DCC: variants seen among roughly 807,000 people sequenced by gnomAD.
DCC encodes DCC netrin 1 receptor, also known as netrin receptor DCC.
A neutral mutation model predicts 172.5 loss-of-function variants in DCC; 58 were observed. The ratio of observed to expected loss-of-function variants is 0.34; its 90% CI spans 0.27 to 0.42. The LOEUF (loss-of-function observed/expected upper bound fraction) is 0.42, where lower values mean the gene tolerates loss of function less well. Ranked by LOEUF, DCC falls within the 10% of genes least tolerant of loss-of-function variation. DCC has a pLI of 1.00. For missense variants in DCC, 1,740 were observed against 1,791.0 expected (o/e 0.97, Z 0.51); for synonymous variants, 709 against 644.5 (o/e 1.10, Z -1.52).
At chr18:52,370,045 C>T (rs1252793769) in intron 1 of DCC, among the ~76,000 whole-genome samples, 2 of 152,104 alleles carry the variant, frequency 1.3e-5, no homozygotes, top group Non-Finnish European at 2.9e-5. Context: ...TTTACACTCC[C>T]ACTAACAGTG....
intron 19 of DCC, among the ~76,000 whole-genome samples, chr18:53,408,409 G>T (rs1279298001): frequency 6.6e-6 from 1 of 152,114 alleles, no homozygotes; most frequent in Non-Finnish European, 1.5e-5. Flanking sequence ...ATGGCTGTTG[G>T]CCAGAAACCA....
chr18:52,450,269 G>T (rs933111644), intron 1 of DCC, among the ~76,000 whole-genome samples: 3 of 152,196 alleles, frequency 2.0e-5, no homozygotes, highest in Admixed American at 2.0e-4. Context: ...AATGGAAGAG[G>T]CTGAAAAGTT....
At chr18:53,407,606 A>G (rs1483336896) in intron 19 of DCC, among the ~76,000 whole-genome samples, 2 of 147,512 alleles carry the variant, frequency 1.4e-5, no homozygotes, top group Non-Finnish European at 3.0e-5. Flanking sequence ...TTACATAGAT[A>G]AAAACATAGT....
At chr18:52,793,803 G>T (rs1227348600) in intron 2 of DCC, among the ~76,000 whole-genome samples, 1 of 152,120 alleles carries the variant, frequency 6.6e-6, no homozygotes, top group Admixed American at 6.5e-5. Context: ...ATTTTGAGTT[G>T]ATTTTTGTAT....
intron 1 of DCC, among the ~76,000 whole-genome samples, chr18:52,676,834 C>G (rs1228047412): frequency 6.6e-6 from 1 of 152,134 alleles, no homozygotes; most frequent in Non-Finnish European, 1.5e-5. Context: ...GCTTTACTTA[C>G]CCAATGATCT....
In DCC at chr18:53,459,429, A is replaced by G. The variant is rs775999760; in HGVS notation, c.3590A>G (p.Gln1197Arg). ...TPVSHSQSETQLGSKSTSHSG... is the reference protein window; with the variant it reads ...TPVSHSQSETRLGSKSTSHSG... ...GTCAGCCACAGCCAGTCAGAAACCC[A>G]ACTGGGAAGCAAAAGCACCTCTCAT... The change falls in exon 24 of 29, where the codon CAA becomes CGA. Residue 1197 changes from glutamine to arginine, a missense_variant. Gln to Arg is a conservative substitution (Grantham distance 43). This residue lies in a region of DCC where 1,732 missense variants were observed against 1,767.4 expected (regional missense o/e 0.98). Coordinates refer to ENST00000442544, the MANE Select transcript of DCC (RefSeq NM_005215.4). 12 of 1,613,042 alleles carry G rather than the reference A, an allele frequency of 7.4e-6. No individual in the cohort carries two copies.
At chr18:53,162,219 A>G (rs1380798925) in intron 8 of DCC, among the ~76,000 whole-genome samples, 1 of 151,426 alleles carries the variant, frequency 6.6e-6, no homozygotes, top group Non-Finnish European at 1.5e-5. Flanking sequence ...GAATTGCGTG[A>G]ACCTGGGAGG....
chr18:53,144,205 T>G (rs1301464365), intron 7 of DCC, among the ~76,000 whole-genome samples: 1 of 152,228 alleles, frequency 6.6e-6, no homozygotes, highest in Non-Finnish European at 1.5e-5. Context: ...ATCTCCCTAT[T>G]ATGTTTCCTC....
At chr18:53,018,723 T>C (rs1395851788) in intron 5 of DCC, among the ~76,000 whole-genome samples, 10 of 152,116 alleles carry the variant, frequency 6.6e-5, no homozygotes, top group Admixed American at 5.2e-4. Flanking sequence ...AACAAATGAA[T>C]GCTATAACAT....
intron 2 of DCC, among the ~76,000 whole-genome samples, chr18:52,850,284 G>A (rs925729404): frequency 1.3e-5 from 2 of 152,126 alleles, no homozygotes; most frequent in Non-Finnish European, 2.9e-5. Context: ...GAAGCACATC[G>A]TTTGTGTATA....
At chr18:52,823,826 G>A (rs117971751) in intron 2 of DCC, among the ~76,000 whole-genome samples, 6,002 of 152,204 alleles carry the variant, frequency 0.039, 174 homozygotes, top group Admixed American at 0.059. Context: ...ATAATGGGGT[G>A]CCTGAGTGAG....
At chr18:52,924,456 A>G (rs1202040174) in intron 4 of DCC, among the ~76,000 whole-genome samples, 2 of 152,098 alleles carry the variant, frequency 1.3e-5, no homozygotes, top group Non-Finnish European at 2.9e-5. Context: ...ATTCCCAGCT[A>G]TAACAAATAT....
intron 2 of DCC, among the ~76,000 whole-genome samples, chr18:52,874,130 C>T (rs1019041981): frequency 1.5e-4 from 23 of 152,136 alleles, no homozygotes; most frequent in Non-Finnish European, 2.9e-4. Context: ...GGGATTAAAA[C>T]ACTTACCCTA....
intron 5 of DCC, among the ~76,000 whole-genome samples, chr18:53,047,262 A>T (rs1352195705): frequency 2.0e-3 from 26 of 13,234 alleles, no homozygotes; most frequent in African/African-American, 8.8e-3. Flanking sequence ...ATATATATAT[A>T]TATATATATA....
intron 5 of DCC, among the ~76,000 whole-genome samples, chr18:53,002,140 G>C (rs568585437): frequency 1.3e-5 from 2 of 152,132 alleles, no homozygotes; most frequent in Non-Finnish European, 2.9e-5. Flanking sequence ...TAGTTTCCCA[G>C]CTTATGCACG....
chr18:53,348,891 G>A (rs1226732942), intron 15 of DCC, among the ~76,000 whole-genome samples: 1 of 152,160 alleles, frequency 6.6e-6, no homozygotes, highest in Non-Finnish European at 1.5e-5. Flanking sequence ...AGGCATCCAG[G>A]CCTGTCATGG....
chr18:52,766,666 T>A (rs2037257380), intron 2 of DCC, among the ~76,000 whole-genome samples: 1 of 152,012 alleles, frequency 6.6e-6, no homozygotes, highest in South Asian at 2.1e-4. Flanking sequence ...GCCACTTCTC[T>A]CCAATCATCC....
chr18:53,177,026 G>T (rs1231633755), intron 8 of DCC, among the ~76,000 whole-genome samples: 1 of 152,070 alleles, frequency 6.6e-6, no homozygotes, highest in South Asian at 2.1e-4. Flanking sequence ...CATGTCCTTT[G>T]TAGGGACATG....
intron 2 of DCC, among the ~76,000 whole-genome samples, chr18:52,755,502 T>G (rs976293683): frequency 2.0e-5 from 3 of 152,220 alleles, no homozygotes; most frequent in Admixed American, 1.3e-4. Flanking sequence ...AATAAGGCTG[T>G]TCACAGCATT....
Sources: gnomAD v4.1 joint callset for allele counts (sites outside exome capture counted in the v4.1 genomes callset) on GRCh38, gnomAD v4.1.1 for gene constraint, gnomAD v4.1.1 regional missense constraint, MANE v1.5 for transcripts, NCBI Gene and HGNC (gene_info 2026-07-23, HGNC 2026-07-21) for gene names.